HCRTR1: variants seen among roughly 807,000 people sequenced by gnomAD.
HCRTR1 encodes the protein hypocretin receptor 1.
Under a neutral mutation model 40.6 loss-of-function variants are expected in HCRTR1, and 28 were observed. The ratio of observed to expected loss-of-function variants is 0.69; its 90% CI spans 0.51 to 0.95. The LOEUF (loss-of-function observed/expected upper bound fraction) is 0.95, where lower values mean the gene tolerates loss of function less well. Among genes scored for constraint, HCRTR1 ranks in the 40% least tolerant of loss-of-function variants. The pLI, the probability that HCRTR1 is intolerant of heterozygous loss-of-function variation, is 0.00. For missense variants in HCRTR1, 482 were observed against 564.7 expected (o/e 0.85, Z 1.48); for synonymous variants, 209 against 230.0 (o/e 0.91, Z 0.83).
In HCRTR1 at chr1:31,625,924, G is replaced by A. The variant is rs182452579; in HGVS notation, c.1087+806G>A. Among the ~76,000 whole-genome samples the A allele has an allele frequency of 6.6e-6, 1 of 152,348 alleles. No homozygotes were observed. Among genetic ancestry groups the A allele is most frequent in the Admixed American group, 6.5e-5 (1 of 15,304 alleles). On this transcript the variant is annotated intron_variant, in intron 8 of 8. Coordinates refer to ENST00000403528, the MANE Select transcript of HCRTR1 (RefSeq NM_001525.3). The surrounding 1 kb of genome is among the most constrained non-coding windows in gnomAD (Gnocchi z 4.2). ...GAGTCAATAGTATAACCCTCATTGA[G>A]ACTCAAGAATTACTCAACAAGGCTG...
At chr1:31,621,699 T>A (rs1639860837) in intron 6 of HCRTR1, 107 bp downstream of exon 6, 1 of 803,050 alleles carries the variant, frequency 1.2e-6, no homozygotes, top group Non-Finnish European at 2.1e-6. Context: ...GCACATGCCA[T>A]CTTGGCTGCA....
At chr1:31,622,032 T>G (rs1639867928) in intron 6 of HCRTR1, among the ~76,000 whole-genome samples, 1 of 152,220 alleles carries the variant, frequency 6.6e-6, no homozygotes, top group Non-Finnish European at 1.5e-5. Context: ...CCGTGGTGCT[T>G]GCCAAATTAG....
chr1:31,626,681 C>CCCCCCCCAAAAG lies in HCRTR1; in HGVS notation c.1088-109_1088-108insCCCCCCCAAAAG. On this transcript the variant is annotated intron_variant, in intron 8 of 8. Transcript: ENST00000403528. This position sits in a 1 kb window ranked among gnomAD's most constrained non-coding sequence, Gnocchi z 4.6. ...CCAGCTCTATCCCTCCCTCCCTCCC[C>CCCCCCCCAAAAG]GCCCCCTCATAGGCAGCTTGGCTGG... 8.2e-7 allele frequency: 1 copy of CCCCCCCCAAAAG among 1,222,316 alleles called. No individual in the cohort carries two copies. The highest frequency in any genetic ancestry group is 1.1e-6 in the Non-Finnish European group (1 of 894,096). The allele number at this position is 1,222,316 out of a possible 1,614,324, so 75.7% of individuals were successfully genotyped here. A position where few individuals can be genotyped will look rare whatever the true frequency, so the allele number is the denominator to read the frequency against.
downstream of HCRTR1, chr1:31,630,357 C>G: frequency 2.0e-6 from 1 of 505,792 alleles, no homozygotes. Context: ...TGCCACTCAA[C>G]TGCTCATGGC....
intron 7 of HCRTR1, 106 bp downstream of exon 7, chr1:31,623,855 T>C: frequency 1.3e-6 from 1 of 789,868 alleles, no homozygotes; most frequent in Non-Finnish European, 2.0e-6. Flanking sequence ...CACTATGTGA[T>C]CTTGGGCAGG....
At chr1:31,622,136 T>C (rs1426559243) in intron 6 of HCRTR1, among the ~76,000 whole-genome samples, 1 of 152,226 alleles carries the variant, frequency 6.6e-6, no homozygotes, top group Non-Finnish European at 1.5e-5. Flanking sequence ...ACTTGCCAGA[T>C]TCAACAGCAG....
chr1:31,630,965 A>T (rs1266843311), downstream of HCRTR1: 10 of 806,514 alleles, frequency 1.2e-5, no homozygotes, highest in South Asian at 1.3e-4. Context: ...AAGCACAAAG[A>T]GGGTAGAGAA....
intron 5 of HCRTR1, 89 bp from the exon 6 acceptor site, chr1:31,621,388 G>A: frequency 9.8e-7 from 1 of 1,022,446 alleles, no homozygotes; most frequent in Non-Finnish European, 1.5e-6. Flanking sequence ...GCCTTGCTTT[G>A]GCCGTAGTCA....
rs79947951 is a variant in HCRTR1, at chr1:31,619,650, G to A, written c.318G>A (p.Val106=). ...TAICLPASLL[V]DITESWLFGH... ...TCTGCCTGCCGGCCAGCCTGCTGGT[G>A]GACATCACTGAGTCCTGGCTGTTCG... The change falls in exon 4 of 9, where the codon GTG becomes GTA. Residue 106 remains valine, a synonymous_variant. Transcript: ENST00000403528. The A allele has an allele frequency of 2.0e-5, 33 of 1,613,710 alleles. No individual in the cohort carries two copies. Among genetic ancestry groups the A allele is most frequent in the African/African-American group, 1.6e-4 (12 of 74,938 alleles).
intron 7 of HCRTR1, 60 bp downstream of exon 7, chr1:31,623,809 C>T (rs1639916952): frequency 7.5e-7 from 1 of 1,328,678 alleles, no homozygotes; most frequent in Admixed American, 2.0e-5. Flanking sequence ...AGGAGCTCTC[C>T]TTGCTTGGGA....
rs1639970702 is a variant in HCRTR1 at position 31,626,072 on chromosome 1, C to T, written c.1088-718C>T. On this transcript the variant is annotated intron_variant, in intron 8 of 8. Transcript: ENST00000403528. This position sits in a 1 kb window ranked among gnomAD's most constrained non-coding sequence, Gnocchi z 4.6. ...ATGTTTACTGAGCACCTACTATGTG[C>T]TTGACCCTGTGCTGGGCACCAGAGA... Among the ~76,000 whole-genome samples the T allele has an allele frequency of 6.6e-6, 1 of 152,190 alleles. No homozygotes were observed. The highest frequency in any genetic ancestry group is 2.4e-5 in the African/African-American group (1 of 41,436).
intron 4 of HCRTR1, 96 bp downstream of exon 4, chr1:31,619,806 C>CTGAA: frequency 8.6e-7 from 1 of 1,165,726 alleles, no homozygotes; most frequent in Non-Finnish European, 1.2e-6. Flanking sequence ...ACTTGCCTTT[C>CTGAA]AGACAGGTCA....
chr1:31,624,260 A>C (rs1639925635), intron 7 of HCRTR1, among the ~76,000 whole-genome samples: 1 of 152,078 alleles, frequency 6.6e-6, no homozygotes, highest in African/African-American at 2.4e-5. Context: ...GGAGTTCAAG[A>C]TCAGCCCGGG....
chr1:31,626,733 G>C lies in HCRTR1; in HGVS notation c.1088-57G>C. 1.5e-6 allele frequency: 2 copies of C among 1,305,268 alleles called. No individual in the cohort carries two copies. Among genetic ancestry groups the C allele is most frequent in the Non-Finnish European group, 2.0e-6 (2 of 988,890 alleles). 80.9% of individuals were successfully genotyped at this position (1,305,268 alleles called of 1,614,324 possible). ...GCTGCGTGGGTGTCCCTGGGCTCAA[G>C]GCCCCTTCCTGCTGCATCTGTCTCC... On this transcript the variant is annotated intron_variant, in intron 8 of 8. Transcript: ENST00000403528. The surrounding 1 kb of genome is among the most constrained non-coding windows in gnomAD (Gnocchi z 4.6).
At chr1:31,624,149 T>TAAAAA (rs1320630223) in intron 7 of HCRTR1, among the ~76,000 whole-genome samples, 2 of 152,230 alleles carry the variant, frequency 1.3e-5, no homozygotes. Flanking sequence ...GCTTTTGCTT[T>TAAAAA]AGATACAATG....
At position 31,619,093 on chromosome 1, in the gene HCRTR1, C is replaced by T. The variant is rs1639791677; in HGVS notation, c.-100C>T. The T allele has an allele frequency of 5.0e-6, 5 of 991,450 alleles. No homozygotes were observed. Among genetic ancestry groups the T allele is most frequent in the Non-Finnish European group, 7.4e-6 (5 of 679,914 alleles). 61.4% of individuals were successfully genotyped at this position (991,450 alleles called of 1,614,324 possible). A position where few individuals can be genotyped will look rare whatever the true frequency, so the allele number is the denominator to read the frequency against. ...CCCGAAAAGACCTGGGTGCAAGCCT[C>T]CAGGCACCCTGAAGGGAGTGGGCTG... On this transcript the variant is annotated 5_prime_UTR_variant, in exon 3 of 9. Coordinates refer to ENST00000403528, the MANE Select transcript of HCRTR1 (RefSeq NM_001525.3).
rs746744537 is a variant in HCRTR1, at chr1:31,619,204, AG to A, written c.13del (p.Ala5ProfsTer73). The A allele has an allele frequency of 6.2e-7, 1 of 1,611,696 alleles. No individual in the cohort carries two copies. Among genetic ancestry groups the A allele is most frequent in the Non-Finnish European group, 8.5e-7 (1 of 1,179,938 alleles). On this transcript the variant is annotated frameshift_variant, in exon 3 of 9. Coordinates refer to ENST00000403528, the MANE Select transcript of HCRTR1 (RefSeq NM_001525.3). LOFTEE classifies it high-confidence loss of function. ...CGGCTCCTGAGCTCATGGAGCCCTC[AG>A]CCACCCCAGGGGCCCAGATGGGGGT... is the stretch of plus-strand genomic sequence containing the variant. MEPS[A>X]TPGAQMGVPP...
rs1267499860 is a variant in HCRTR1 at position 31,623,868 on chromosome 1, AT to A, written c.965+122del. The A allele has an allele frequency of 1.4e-5, 10 of 700,730 alleles. No individual in the cohort carries two copies. The East Asian group carries it at 2.7e-4, about 19-fold the overall frequency. 43.4% of individuals were successfully genotyped at this position (700,730 alleles called of 1,614,324 possible). ...TCCACTATGTGATCTTGGGCAGGCC[AT>A]TTCTCTTCTCTGAGCCTCCATCTCC... On this transcript the variant is annotated intron_variant, in intron 7 of 8. Coordinates refer to ENST00000403528, the MANE Select transcript of HCRTR1 (RefSeq NM_001525.3).
At chr1:31,621,361 G>T in intron 5 of HCRTR1, 116 bp from the exon 6 acceptor site, 1 of 874,006 alleles carries the variant, frequency 1.1e-6, no homozygotes. Flanking sequence ...GGCTGTATGG[G>T]GTCCAGCTGC....
Sources: gnomAD v4.1 joint callset for allele counts (sites outside exome capture counted in the v4.1 genomes callset) on GRCh38, gnomAD v4.1.1 for gene constraint, Gnocchi (gnomAD v3.1) non-coding constraint, MANE v1.5 for transcripts, NCBI Gene and HGNC (gene_info 2026-07-23, HGNC 2026-07-21) for gene names.